The following SLC25A48 variants were observed in gnomAD, a reference collection of about 807,000 sequenced individuals.
SLC25A48 encodes CTC-321K16.1.
Under a neutral mutation model 32.2 loss-of-function variants are expected in SLC25A48, and 29 were observed. The ratio of observed to expected loss-of-function variants is 0.90; its 90% CI spans 0.67 to 1.23. The LOEUF is 1.23. SLC25A48 is among the 50% of genes most tolerant of loss of function. SLC25A48 has a pLI of 0.00. For synonymous variants in SLC25A48, 164 were observed against 172.3 expected (o/e 0.95, Z 0.38); for missense variants, 399 against 422.7 (o/e 0.94, Z 0.49).
intron 3 of SLC25A48, among the ~76,000 whole-genome samples, chr5:135,717,885 A>G (rs1171183126): frequency 1.3e-5 from 2 of 152,208 alleles, no homozygotes; most frequent in East Asian, 3.8e-4. Context: ...AATGAATATG[A>G]ACAGGTAAAA....
chr5:135,723,537 T>C (rs1265733213), intron 3 of SLC25A48, among the ~76,000 whole-genome samples: 2 of 111,334 alleles, frequency 1.8e-5, no homozygotes, highest in African/African-American at 6.1e-5. Context: ...TCTTTTTTTT[T>C]TCACTAAAAA....
At chr5:135,874,532 G>C in intron 6 of SLC25A48, 1 of 564,422 alleles carries the variant, frequency 1.8e-6, no homozygotes, top group Non-Finnish European at 3.1e-6. Context: ...CCTCCTCCCA[G>C]TGGGAAGTGC....
At chr5:135,718,348 C>T (rs757956763) in intron 3 of SLC25A48, among the ~76,000 whole-genome samples, 5 of 152,160 alleles carry the variant, frequency 3.3e-5, no homozygotes, top group Non-Finnish European at 5.9e-5. Context: ...TGCATCAAGC[C>T]GGTGAGTCAC....
intron 3 of SLC25A48, among the ~76,000 whole-genome samples, chr5:135,671,340 G>A (rs1753648765): frequency 6.6e-6 from 1 of 152,202 alleles, no homozygotes; most frequent in Admixed American, 6.5e-5. Flanking sequence ...TAGAAGGCTG[G>A]CCATGGTGCC....
Position 135,685,713 on chromosome 5 carries a change from C to T in SLC25A48, c.-521+50757C>T, listed in dbSNP as rs189298871. On this transcript the variant is annotated intron_variant, in intron 3 of 10. Transcript: ENST00000646290. Reference sequence around the variant, plus strand: ...TGCTGGGATTACAGGCGTGAGCCACCGCACCCAGCCTATGTAAGGACCTTT... The same window carrying T: ...TGCTGGGATTACAGGCGTGAGCCACTGCACCCAGCCTATGTAAGGACCTTT... Among the ~76,000 whole-genome samples, 372 of 152,296 alleles carry T rather than the reference C, an allele frequency of 2.4e-3. 3 individuals carry two copies. Among genetic ancestry groups the T allele is most frequent in the African/African-American group, 8.4e-3 (349 of 41,566 alleles).
At chr5:135,619,441 T>C (rs1380123548) in intron 1 of SLC25A48, among the ~76,000 whole-genome samples, 1 of 152,266 alleles carries the variant, frequency 6.6e-6, no homozygotes, top group Non-Finnish European at 1.5e-5. Flanking sequence ...ACTGAACTTC[T>C]TTAGTAACAT....
At chr5:135,833,866 G>GGAT (rs921955613), upstream of SLC25A48, among the ~76,000 whole-genome samples, 3 of 152,150 alleles carry the variant, frequency 2.0e-5, no homozygotes, top group African/African-American at 7.2e-5. Flanking sequence ...ATATTAACCT[G>GGAT]GATGACGTGA....
chr5:135,620,921 C>A (rs746951129), intron 1 of SLC25A48, among the ~76,000 whole-genome samples: 1 of 152,148 alleles, frequency 6.6e-6, no homozygotes, highest in Non-Finnish European at 1.5e-5. Flanking sequence ...CCCTTCCCCG[C>A]GTTAGGGAGC....
At chr5:135,760,490 G>C (rs1279656990) in intron 3 of SLC25A48, among the ~76,000 whole-genome samples, 1 of 152,200 alleles carries the variant, frequency 6.6e-6, no homozygotes. Flanking sequence ...GGAAGGCAGA[G>C]CCTTAGAAAA....
At chr5:135,806,834 T>A (rs879555578) in intron 3 of SLC25A48, among the ~76,000 whole-genome samples, 1 of 150,208 alleles carries the variant, frequency 6.7e-6, no homozygotes. Flanking sequence ...TCTCAGTGTG[T>A]TAACATTAGG....
chr5:135,746,961 G>T (rs181942326), intron 3 of SLC25A48, among the ~76,000 whole-genome samples: 29 of 150,144 alleles, frequency 1.9e-4, no homozygotes, highest in Admixed American at 1.3e-4. Flanking sequence ...CCTCACTCTT[G>T]CCCCGTCATT....
At chr5:135,668,163 G>C (rs981972316) in intron 3 of SLC25A48, among the ~76,000 whole-genome samples, 3 of 152,110 alleles carry the variant, frequency 2.0e-5, no homozygotes, top group African/African-American at 4.8e-5. Flanking sequence ...TTCCTAATCT[G>C]GTGTTTAAAA....
intron 3 of SLC25A48, among the ~76,000 whole-genome samples, chr5:135,803,348 T>C (rs1250789549): frequency 1.3e-5 from 2 of 151,568 alleles, no homozygotes; most frequent in African/African-American, 4.8e-5. Flanking sequence ...ATATTAATCC[T>C]AATATCACAG....
At chr5:135,879,169 C>T (rs1359213371) in intron 6 of SLC25A48, among the ~76,000 whole-genome samples, 1 of 152,082 alleles carries the variant, frequency 6.6e-6, no homozygotes, top group African/African-American at 2.4e-5. Context: ...GGCCATTCTT[C>T]CTGAGCATGC....
At position 135,842,453 on chromosome 5, in the gene SLC25A48, A is replaced by G. The variant is rs6596270; in HGVS notation, c.84A>G (p.Thr28=). ...TCATCGTTGGCCACCCTCTGGACAC[A>G]GTCAAGGTACAGTAGCCATGTTTCC... is the stretch of plus-strand genomic sequence containing the variant. ...ASVIVGHPLD[T]VKTRLQAGVG... Residue 28 remains threonine, a synonymous_variant, in exon 2 of 8, where the codon ACA becomes ACG. Coordinates refer to ENST00000681962, the MANE Select transcript of SLC25A48 (RefSeq NM_001349336.2). 0.19 allele frequency: 312,244 copies of G among 1,608,836 alleles called. 32,154 individuals carry two copies. The highest frequency in any genetic ancestry group is 0.22 in the Middle Eastern group (1,332 of 6,028).
rs992904033 is a variant in SLC25A48, at chr5:135,767,550, AC to A, written c.-520-44970del. Among the ~76,000 whole-genome samples the A allele has an allele frequency of 2.8e-4, 43 of 151,944 alleles. 1 individual carries two copies. The highest frequency in any genetic ancestry group is 2.7e-3 in the Admixed American group (41 of 15,242). On this transcript the variant is annotated intron_variant, in intron 3 of 10. Transcript: ENST00000646290. ...TCAATATCGTAAACACTCTGTGTACACCCTCTGTGATATTTTTTGTAATATT... is the reference window on the plus strand; with the variant it reads ...TCAATATCGTAAACACTCTGTGTACACCTCTGTGATATTTTTTGTAATATT...
chr5:135,640,691 T>G (rs1218445258), intron 3 of SLC25A48, among the ~76,000 whole-genome samples: 1 of 152,082 alleles, frequency 6.6e-6, no homozygotes, highest in Non-Finnish European at 1.5e-5. Context: ...TGGTTTACCA[T>G]TTAAAAATTA....
intron 7 of SLC25A48, among the ~76,000 whole-genome samples, chr5:135,882,386 T>C (rs1480470868): frequency 6.6e-6 from 1 of 152,112 alleles, no homozygotes; most frequent in Non-Finnish European, 1.5e-5. Flanking sequence ...CACCTACTCT[T>C]TGAATGCCTC....
intron 3 of SLC25A48, among the ~76,000 whole-genome samples, chr5:135,775,162 G>A (rs1343020032): frequency 2.0e-5 from 3 of 151,744 alleles, no homozygotes; most frequent in Non-Finnish European, 4.4e-5. Context: ...GTGGAAAAGA[G>A]GATGATATTA....
Sources: gnomAD v4.1 joint callset for allele counts (sites outside exome capture counted in the v4.1 genomes callset) on GRCh38, gnomAD v4.1.1 for gene constraint, MANE v1.5 for transcripts, NCBI Gene and HGNC (gene_info 2026-07-23, HGNC 2026-07-21) for gene names.